Variants in SPIN1 observed in about 807,000 individuals in gnomAD.
SPIN1 encodes spindlin 1, also known as spindlin-1.
SPIN1 carries 3 observed loss-of-function variants against 26.0 expected under a neutral mutation model. The observed-to-expected ratio is 0.12, with a 90% CI of 0.05 to 0.30. The LOEUF is 0.30. SPIN1 is among the 10% of genes least tolerant of loss of function. SPIN1 has a pLI of 1.00. For missense variants in SPIN1, 126 were observed against 333.4 expected (o/e 0.38, Z 4.84); for synonymous variants, 101 against 116.5 (o/e 0.87, Z 0.86).
intron 1 of SPIN1, among the ~76,000 whole-genome samples, chr9:88,407,353 C>T (rs1027252385): frequency 2.0e-5 from 3 of 151,836 alleles, no homozygotes; most frequent in Admixed American, 1.3e-4. Flanking sequence ...CCATATTGCC[C>T]AGGCTGGTCT....
At position 88,475,957 on chromosome 9, in the gene SPIN1, G is replaced by A. The variant is rs1188979080; in HGVS notation, c.*680G>A. 2 of 151,750 alleles carry A rather than the reference G, an allele frequency of 1.3e-5. No homozygotes were observed. Among genetic ancestry groups the A allele is most frequent in the Non-Finnish European group, 2.9e-5 (2 of 67,966 alleles). 9.4% of individuals were successfully genotyped at this position (151,750 alleles called of 1,614,324 possible). A position where few individuals can be genotyped will look rare whatever the true frequency, so the allele number is the denominator to read the frequency against. On this transcript the variant is annotated 3_prime_UTR_variant, in exon 6 of 6. Coordinates refer to ENST00000375859, the MANE Select transcript of SPIN1 (RefSeq NM_006717.3). ...AAGTTCAGAGCACCTTTTCAATCTG[G>A]AGCCCTTAAACCATAAGTCCAAATA...
At chr9:88,426,715 T>C (rs1587791060) in intron 2 of SPIN1, 124 bp downstream of exon 2, 2 of 729,052 alleles carry the variant, frequency 2.7e-6, no homozygotes, top group East Asian at 2.9e-5. Context: ...TAGTATGTTA[T>C]ACACATATGC....
intron 5 of SPIN1, among the ~76,000 whole-genome samples, chr9:88,473,643 T>G (rs183902365): frequency 7.5e-5 from 9 of 119,256 alleles, no homozygotes; most frequent in East Asian, 7.1e-4. Context: ...TTCTCCAAAC[T>G]TGTGTGTGTG....
chr9:88,455,371 G>A (rs1185215192), intron 3 of SPIN1, among the ~76,000 whole-genome samples: 5 of 152,264 alleles, frequency 3.3e-5, no homozygotes, highest in African/African-American at 1.2e-4. Flanking sequence ...CAGGAGAATC[G>A]CTTGAACCGG....
At chr9:88,453,281 C>T (rs1828399980) in intron 3 of SPIN1, among the ~76,000 whole-genome samples, 1 of 152,134 alleles carries the variant, frequency 6.6e-6, no homozygotes. Context: ...CCTACAATCT[C>T]AGTTTACTTT....
chr9:88,446,833 T>A (rs1008394733), intron 2 of SPIN1, among the ~76,000 whole-genome samples: 1 of 152,252 alleles, frequency 6.6e-6, no homozygotes, highest in Non-Finnish European at 1.5e-5. Flanking sequence ...CTCTGTTCTT[T>A]AGCCATTTAA....
chr9:88,429,560 C>T (rs77294761), intron 2 of SPIN1, among the ~76,000 whole-genome samples: 191 of 152,202 alleles, frequency 1.3e-3, no homozygotes, highest in Admixed American at 2.6e-3. Flanking sequence ...GATGAACAGC[C>T]AGATGGAAGA....
At chr9:88,463,108 G>T (rs1417474540) in intron 4 of SPIN1, among the ~76,000 whole-genome samples, 1 of 152,186 alleles carries the variant, frequency 6.6e-6, no homozygotes, top group Non-Finnish European at 1.5e-5. Context: ...ATAAGAGAAT[G>T]CTGTGCCTTT....
intron 1 of SPIN1, among the ~76,000 whole-genome samples, chr9:88,397,035 T>G (rs2117883172): frequency 6.6e-6 from 1 of 152,076 alleles, no homozygotes; most frequent in South Asian, 2.1e-4. Flanking sequence ...CTGGGTTGAG[T>G]CTGTGAGTGA....
rs185911148 is a variant in SPIN1 at position 88,477,633 on chromosome 9, C to G, written c.*2356C>G. ...CTATGACTAATTCTGCTCCCAAGCC[C>G]TTGTATCTTGGGCTTCATTTTAGGC... On this transcript the variant is annotated 3_prime_UTR_variant, in exon 6 of 6. Coordinates refer to ENST00000375859, the MANE Select transcript of SPIN1 (RefSeq NM_006717.3). 1.7e-3 allele frequency: 254 copies of G among 152,672 alleles called. No individual in the cohort carries two copies. The highest frequency in any genetic ancestry group is 5.8e-3 in the African/African-American group (239 of 41,536). The allele number at this position is 152,672 out of a possible 1,614,324, so 9.5% of individuals were successfully genotyped here.
At position 88,441,439 on chromosome 9, in the gene SPIN1, G is replaced by GTA. The variant is rs1193390003; in HGVS notation, c.53-7501_53-7500dup. On this transcript the variant is annotated intron_variant, in intron 2 of 5. Coordinates refer to ENST00000375859, the MANE Select transcript of SPIN1 (RefSeq NM_006717.3). ...TGCGCGCGCGCGCGCCCATGTGTGT[G>GTA]TACATACATTGTTGCTCAATTAAGA... 6.1e-5 allele frequency among the ~76,000 whole-genome samples: 9 copies of GTA among 147,572 alleles called. No homozygotes were observed. The East Asian group carries it at 1.4e-3, about 23-fold the overall frequency.
chr9:88,433,396 T>C (rs1019759833), intron 2 of SPIN1, among the ~76,000 whole-genome samples: 32 of 152,230 alleles, frequency 2.1e-4, no homozygotes, highest in Non-Finnish European at 1.2e-4. Context: ...AATTGCTTTT[T>C]AAATAGCCTT....
intron 1 of SPIN1, among the ~76,000 whole-genome samples, chr9:88,403,996 A>C (rs1264021596): frequency 1.3e-5 from 2 of 152,216 alleles, no homozygotes; most frequent in Non-Finnish European, 2.9e-5. Flanking sequence ...TGACACACTT[A>C]GGCTAAATGG....
At chr9:88,467,141 T>C (rs574531166) in intron 4 of SPIN1, among the ~76,000 whole-genome samples, 22 of 152,304 alleles carry the variant, frequency 1.4e-4, no homozygotes, top group African/African-American at 5.3e-4. Context: ...TTAAAACCAA[T>C]GGGATCCTTC....
intron 1 of SPIN1, among the ~76,000 whole-genome samples, chr9:88,399,564 C>G (rs1435637498): frequency 6.6e-6 from 1 of 152,048 alleles, no homozygotes; most frequent in Non-Finnish European, 1.5e-5. Context: ...GGCAGAGAAG[C>G]TTAAGGAGAG....
chr9:88,469,078 G>C (rs79748090), intron 5 of SPIN1, among the ~76,000 whole-genome samples: 2 of 152,062 alleles, frequency 1.3e-5, no homozygotes, highest in Non-Finnish European at 2.9e-5. Flanking sequence ...TTTTGTCACC[G>C]GGGACCAGTT....
chr9:88,462,472 A>G (rs761242919), intron 3 of SPIN1, 24 bp from the exon 4 acceptor site: 2 of 1,608,886 alleles, frequency 1.2e-6, no homozygotes, highest in South Asian at 1.1e-5. Context: ...ATAATACCTT[A>G]TGTGTGTATA....
At chr9:88,395,009 TATGTTAGCCAAG>T (rs1448740121) in intron 1 of SPIN1, among the ~76,000 whole-genome samples, 58 of 150,258 alleles carry the variant, frequency 3.9e-4, no homozygotes, top group Non-Finnish European at 6.7e-4. Flanking sequence ...GGGGTTTCAC[TATGTTAGCCAAG>T]ATGGTCTCGA....
At chr9:88,435,719 G>C (rs1168356070) in intron 2 of SPIN1, among the ~76,000 whole-genome samples, 1 of 151,988 alleles carries the variant, frequency 6.6e-6, no homozygotes, top group African/African-American at 2.4e-5. Flanking sequence ...CTGTGATAGG[G>C]GTCATTTACC....
Sources: allele counts gnomAD v4.1 joint callset (sites outside exome capture counted in the v4.1 genomes callset), GRCh38; gene constraint gnomAD v4.1.1; transcripts MANE v1.5; gene names NCBI Gene and HGNC (gene_info 2026-07-23, HGNC 2026-07-21).